The following C11orf24 variants were observed in gnomAD, a reference collection of about 807,000 sequenced individuals.
C11orf24 encodes the protein uncharacterized protein C11orf24.
In C11orf24, 5 loss-of-function variants were observed where a neutral mutation model predicts 7.3. The observed-to-expected ratio is 0.69, with a 90% CI of 0.36 to 1.45. The LOEUF is 1.45. Among genes scored for constraint, C11orf24 ranks in the 40% most tolerant of loss-of-function variants. The pLI is 0.03. For missense variants in C11orf24, 566 were observed against 590.5 expected (o/e 0.96, Z 0.43); for synonymous variants, 233 against 235.7 (o/e 0.99, Z 0.11).
chr11:68,268,793 A>C (rs1052544674), intron 1 of C11orf24, among the ~76,000 whole-genome samples: 1 of 152,258 alleles, frequency 6.6e-6, no homozygotes, highest in Non-Finnish European at 1.5e-5. Flanking sequence ...GATGATCTAC[A>C]AAGATATTTC....
At chr11:68,263,097 A>T in intron 3 of C11orf24, 179 bp from the exon 4 acceptor site, 1 of 607,212 alleles carries the variant, frequency 1.6e-6, no homozygotes, top group Non-Finnish European at 2.9e-6. Flanking sequence ...GTTGGCATGC[A>T]GCTCATTGAA....
rs769927540 is a variant in C11orf24 at position 68,262,551 on chromosome 11, C to T, written c.444G>A (p.Thr148=). The T allele has an allele frequency of 6.7e-5, 108 of 1,609,558 alleles. No homozygotes were observed. The Middle Eastern group carries it at 1.0e-3, about 15-fold the overall frequency. The change falls in exon 4 of 4, where the codon ACG becomes ACA. Residue 148 remains threonine (T), a synonymous_variant. Coordinates refer to ENST00000304271, the MANE Select transcript of C11orf24 (RefSeq NM_022338.4). ...SSTTVASIAP[T]TAASSMTAAS... ...CCGCAGTCATACTGGAGGCTGCAGT[C>T]GTGGGAGCAATGGAGGCCACAGTTG...
At position 68,261,546 on chromosome 11, in the gene C11orf24, CAATTGCACCAA is replaced by C; in HGVS notation, c.*88_*98del. 9.5e-6 allele frequency: 10 copies of C among 1,048,420 alleles called. No homozygotes were observed. The highest frequency in any genetic ancestry group is 1.4e-5 in the Non-Finnish European group (10 of 716,102). 64.9% of individuals were successfully genotyped at this position (1,048,420 alleles called of 1,614,324 possible). ...TGTTTAAGCATCTGGCATATCTCCT[CAATTGCACCAA>C]AAGAATTTGGAAGCACTTGGTTTGG... On this transcript the variant is annotated 3_prime_UTR_variant, in exon 4 of 4. Transcript: ENST00000304271.
Position 68,261,701 on chromosome 11 carries a change from CCTT to C in C11orf24, c.1291_1293del (p.Lys431del), listed in dbSNP as rs759054521. The C allele has an allele frequency of 5.0e-6, 8 of 1,614,126 alleles. No individual in the cohort carries two copies. The highest frequency in any genetic ancestry group is 1.7e-5 in the Admixed American group (1 of 60,030). The stretch of plus-strand genomic sequence containing the variant: ...ATTAAGTAGTCCACCTGGGTGTAGT[CCTT>C]CTTCTTGTAGCTCTCATAGGCCTGC... On this transcript the variant is annotated inframe_deletion, in exon 4 of 4. Transcript: ENST00000304271.
intron 2 of C11orf24, among the ~76,000 whole-genome samples, chr11:68,264,403 C>T (rs992514444): frequency 2.0e-5 from 3 of 151,574 alleles, no homozygotes; most frequent in Non-Finnish European, 1.5e-5. Flanking sequence ...TCCATCTACT[C>T]ATCTGTCCAT....
Position 68,263,714 on chromosome 11 carries a change from G to C in C11orf24, c.54C>G (p.Ser18Arg), listed in dbSNP as rs1236811485. 2 of 1,613,632 alleles carry C rather than the reference G, an allele frequency of 1.2e-6. No individual in the cohort carries two copies. The highest frequency in any genetic ancestry group is 1.7e-6 in the Non-Finnish European group (2 of 1,179,962). The stretch of plus-strand genomic sequence containing the variant: ...TACGTGGATCGTTGGATGCCGCATG[G>C]CTTTCAGATAAGGACAAGGAGAAAA... ...IWIFSLSLSE[S>R]HAASNDPRNF... The change falls in exon 3 of 4, where the codon AGC becomes AGG. Residue 18 changes from serine (S) to arginine (R), a missense_variant. Coordinates refer to ENST00000304271, the MANE Select transcript of C11orf24 (RefSeq NM_022338.4).
rs2098561490 is a variant in C11orf24, at chr11:68,261,377, C to T, written c.*268G>A. 1 of 445,698 alleles carries T rather than the reference C, an allele frequency of 2.2e-6. No homozygotes were observed. The highest frequency in any genetic ancestry group is 4.1e-6 in the Non-Finnish European group (1 of 246,182). The allele number at this position is 445,698 out of a possible 1,614,324, so 27.6% of individuals were successfully genotyped here. ...TACTTTAATTCAGGTCAGGCTCCGA[C>T]ACCTGGGGAGACGGGGTCCTGCCCG... On this transcript the variant is annotated 3_prime_UTR_variant, in exon 4 of 4. Coordinates refer to ENST00000304271, the MANE Select transcript of C11orf24 (RefSeq NM_022338.4).
chr11:68,268,515 C>T (rs1216456179), intron 1 of C11orf24, among the ~76,000 whole-genome samples: 1 of 152,112 alleles, frequency 6.6e-6, no homozygotes, highest in Non-Finnish European at 1.5e-5. Context: ...CATGGTGAAA[C>T]CCCATCTCCA....
chr11:68,264,909 A>G (rs1209550122), intron 2 of C11orf24, among the ~76,000 whole-genome samples: 3 of 151,722 alleles, frequency 2.0e-5, no homozygotes. Context: ...AGCAAGGAGG[A>G]GACAGTATGC....
At position 68,261,562 on chromosome 11, in the gene C11orf24, A is replaced by G; in HGVS notation, c.*83T>C. The G allele has an allele frequency of 7.8e-7, 1 of 1,276,916 alleles. No individual in the cohort carries two copies. The highest frequency in any genetic ancestry group is 1.1e-6 in the Non-Finnish European group (1 of 918,624). 79.1% of individuals were successfully genotyped at this position (1,276,916 alleles called of 1,614,324 possible). ...ATATCTCCTCAATTGCACCAAAAGAATTTGGAAGCACTTGGTTTGGTCTCA... is the reference window on the plus strand; with the variant it reads ...ATATCTCCTCAATTGCACCAAAAGAGTTTGGAAGCACTTGGTTTGGTCTCA... On this transcript the variant is annotated 3_prime_UTR_variant, in exon 4 of 4. Coordinates refer to ENST00000304271, the MANE Select transcript of C11orf24 (RefSeq NM_022338.4).
Position 68,262,775 on chromosome 11 carries a change from G to A in C11orf24, c.220C>T (p.Leu74Phe). ...TCTGTTGTGACTTCCATAGAGTTGA[G>A]GTGGGCTGCCGAAGTCCCTTTGGTC... ...TLTKGTSAAHLNSMEVTTEDT... is the reference protein window; with the variant it reads ...TLTKGTSAAHFNSMEVTTEDT... Residue 74 changes from leucine (L) to phenylalanine (F), a missense_variant, in exon 4 of 4, where the codon CTC becomes TTC. Leu to Phe is a conservative substitution (Grantham distance 22). Transcript: ENST00000304271. The A allele has an allele frequency of 6.2e-7, 1 of 1,614,128 alleles. No individual in the cohort carries two copies. The highest frequency in any genetic ancestry group is 1.3e-5 in the African/African-American group (1 of 75,048).
At chr11:68,263,234 G>A in intron 3 of C11orf24, 1 of 443,970 alleles carries the variant, frequency 2.3e-6, no homozygotes, top group South Asian at 3.1e-5. Context: ...CACACAACAG[G>A]TGTGATTCAC....
rs186515795 is a variant in C11orf24 at position 68,268,601 on chromosome 11, A to C, written c.-297-350T>G. Among the ~76,000 whole-genome samples, 359 of 152,330 alleles carry C rather than the reference A, an allele frequency of 2.4e-3. 3 individuals carry two copies. Among genetic ancestry groups the C allele is most frequent in the African/African-American group, 8.1e-3 (337 of 41,576 alleles). On this transcript the variant is annotated intron_variant, in intron 1 of 3. Coordinates refer to ENST00000304271, the MANE Select transcript of C11orf24 (RefSeq NM_022338.4). Reference sequence around the variant, plus strand: ...CAGCGACTTGGGAGGCTGAGGCAGGAGAATCGCTTGAAACCAGAAGGTGGA... The same window carrying C: ...CAGCGACTTGGGAGGCTGAGGCAGGCGAATCGCTTGAAACCAGAAGGTGGA...
chr11:68,263,813 C>T lies in C11orf24; in HGVS notation c.-46G>A. On this transcript the variant is annotated 5_prime_UTR_variant, in exon 3 of 4. Transcript: ENST00000304271. The stretch of plus-strand genomic sequence containing the variant: ...AAGGCTGGGCGGTCCCCGAGGCTCC[C>T]AGCCAGCCAGCTCCTCAGGCTGCTA... 1 of 1,507,256 alleles carries T rather than the reference C, an allele frequency of 6.6e-7. No individual in the cohort carries two copies. Among genetic ancestry groups the T allele is most frequent in the Middle Eastern group, 1.9e-4 (1 of 5,238 alleles). The allele number at this position is 1,507,256 out of a possible 1,614,324, so 93.4% of individuals were successfully genotyped here.
At chr11:68,267,743 C>A (rs1171802811) in intron 2 of C11orf24, 1 of 152,372 alleles carries the variant, frequency 6.6e-6, no homozygotes, top group East Asian at 1.9e-4. Context: ...GTCCCAGCTA[C>A]TTGAGAGGCT....
intron 1 of C11orf24, among the ~76,000 whole-genome samples, chr11:68,269,720 C>T (rs2098566958): frequency 6.6e-6 from 1 of 152,258 alleles, no homozygotes; most frequent in South Asian, 2.1e-4. Flanking sequence ...TATCAGGACA[C>T]TCCACGGGTT....
chr11:68,262,367 A>T lies in C11orf24; in HGVS notation c.628T>A (p.Leu210Met), dbSNP rs534975204. 1.2e-6 allele frequency: 2 copies of T among 1,614,014 alleles called. No individual in the cohort carries two copies. Among genetic ancestry groups the T allele is most frequent in the African/African-American group, 2.7e-5 (2 of 74,894 alleles). The change falls in exon 4 of 4, where the codon TTG becomes ATG. Residue 210 changes from leucine to methionine, a missense_variant. Leu to Met is a conservative substitution (Grantham distance 15). Coordinates refer to ENST00000304271, the MANE Select transcript of C11orf24 (RefSeq NM_022338.4). ...GCTACAGTCTGAGCACGTGTGGCCA[A>T]TGTGGCCAGGGTTGCTGTTCTTGGC... The part of the protein sequence containing the change: ...ALPRTATLAT[L>M]ATRAQTVATT...
Position 68,263,787 on chromosome 11 carries a change from C to A in C11orf24, c.-20G>T. The A allele has an allele frequency of 1.2e-6, 2 of 1,606,504 alleles. No individual in the cohort carries two copies. The highest frequency in any genetic ancestry group is 1.1e-5 in the South Asian group (1 of 90,222). ...CCACATCTTGTGGGTGAGCTGGGAGCAAGGCTGGGCGGTCCCCGAGGCTCC... is the reference window on the plus strand; with the variant it reads ...CCACATCTTGTGGGTGAGCTGGGAGAAAGGCTGGGCGGTCCCCGAGGCTCC... On this transcript the variant is annotated 5_prime_UTR_variant, in exon 3 of 4. Transcript: ENST00000304271.
rs773979904 is a variant in C11orf24 at position 68,261,637 on chromosome 11, C to T, written c.*8G>A. ...GGGGCCAGGCCTCCCGCCAGGCCCC[C>T]GCCCCCCTCACATTTCTGAGTCCGC... On this transcript the variant is annotated 3_prime_UTR_variant, in exon 4 of 4. Transcript: ENST00000304271. The T allele has an allele frequency of 8.2e-6, 13 of 1,594,934 alleles. No homozygotes were observed. In the East Asian group the frequency reaches 9.0e-5, roughly 11 times the overall value.
Sources: allele counts gnomAD v4.1 joint callset (sites outside exome capture counted in the v4.1 genomes callset), GRCh38; gene constraint gnomAD v4.1.1; transcripts MANE v1.5; gene names NCBI Gene and HGNC (gene_info 2026-07-23, HGNC 2026-07-21).